The following CAP2 variants were observed in gnomAD, a reference collection of about 807,000 sequenced individuals.
CAP2 encodes the protein cyclase associated actin cytoskeleton regulatory protein 2.
In CAP2, 24 loss-of-function variants were observed where a neutral mutation model predicts 57.7. The observed-to-expected ratio is 0.42, with a 90% CI of 0.30 to 0.58. CAP2 has a LOEUF of 0.58. Ranked by LOEUF, CAP2 falls within the 20% of genes least tolerant of loss-of-function variation. The probability of loss-of-function intolerance (pLI) is 0.22; values close to 1 mark genes in which losing one functional copy is unlikely to be tolerated. For synonymous variants in CAP2, 194 were observed against 207.2 expected (o/e 0.94, Z 0.55); for missense variants, 501 against 590.3 (o/e 0.85, Z 1.57).
intron 1 of CAP2, among the ~76,000 whole-genome samples, chr6:17,415,794 C>T (rs1262628093): frequency 6.6e-6 from 1 of 152,148 alleles, no homozygotes; most frequent in Non-Finnish European, 1.5e-5. Flanking sequence ...AATCCAGGCA[C>T]ATAGGTTGTT....
chr6:17,471,949 T>C (rs1252105889), intron 4 of CAP2, among the ~76,000 whole-genome samples: 1 of 152,222 alleles, frequency 6.6e-6, no homozygotes. Context: ...AGTAGCACCT[T>C]AGAATCTAAA....
At chr6:17,439,618 A>G (rs1039007195) in intron 3 of CAP2, among the ~76,000 whole-genome samples, 2 of 151,442 alleles carry the variant, frequency 1.3e-5, no homozygotes, top group African/African-American at 2.5e-5. Flanking sequence ...AGACGGTCCC[A>G]TTTAGGGGTA....
intron 7 of CAP2, among the ~76,000 whole-genome samples, chr6:17,516,150 G>A (rs1044382832): frequency 1.3e-5 from 2 of 152,086 alleles, no homozygotes; most frequent in Admixed American, 1.3e-4. Context: ...TCCCCATCTG[G>A]GTTGACTGGC....
At position 17,457,335 on chromosome 6, in the gene CAP2, A is replaced by G. The variant is rs1416417573; in HGVS notation, c.223-5661A>G. 2.0e-5 allele frequency among the ~76,000 whole-genome samples: 3 copies of G among 152,154 alleles called. No individual in the cohort carries two copies. The East Asian group carries it at 5.8e-4, about 29-fold the overall frequency. On this transcript the variant is annotated intron_variant, in intron 3 of 12. Coordinates refer to ENST00000229922, the MANE Select transcript of CAP2 (RefSeq NM_006366.3). The stretch of plus-strand genomic sequence containing the variant: ...ACCCCTACGTTTGGCTTTTTCTTTC[A>G]CAGTGTTTTGAACTGCCTGAGTGAG...
At chr6:17,465,601 G>C (rs775478087) in intron 4 of CAP2, among the ~76,000 whole-genome samples, 1 of 152,074 alleles carries the variant, frequency 6.6e-6, no homozygotes, top group African/African-American at 2.4e-5. Context: ...TGATCACCAC[G>C]TGTTGTTCAG....
chr6:17,463,941 T>C (rs1760793487), intron 4 of CAP2, among the ~76,000 whole-genome samples: 1 of 152,196 alleles, frequency 6.6e-6, no homozygotes, highest in African/African-American at 2.4e-5. Flanking sequence ...GTAAGGCCCA[T>C]GGTAAATTTT....
intron 4 of CAP2, among the ~76,000 whole-genome samples, chr6:17,495,317 A>G (rs1481957043): frequency 6.6e-6 from 1 of 152,178 alleles, no homozygotes; most frequent in East Asian, 1.9e-4. Context: ...TAAATGAAGA[A>G]ACAAATGAAC....
intron 4 of CAP2, chr6:17,493,448 C>G: frequency 3.2e-6 from 1 of 309,072 alleles, no homozygotes; most frequent in Non-Finnish European, 6.8e-6. Flanking sequence ...CACCGCCAAC[C>G]ACAGACTGTA....
rs1268936106 is a variant in CAP2, at chr6:17,393,750, A to T, written c.-2+4A>T. ...GGACCCCAGGGCAGCGAAGCAGGTA[A>T]TCCTGCAGCGGTCGGGGCCCGGCGA... On this transcript the variant is annotated splice_donor_region_variant and intron_variant, in intron 1 of 12. Transcript: ENST00000229922. 1 of 151,644 alleles carries T rather than the reference A, an allele frequency of 6.6e-6. No individual in the cohort carries two copies. The highest frequency in any genetic ancestry group is 2.4e-5 in the African/African-American group (1 of 41,334). The allele number at this position is 151,644 out of a possible 1,614,324, so 9.4% of individuals were successfully genotyped here. A position where few individuals can be genotyped will look rare whatever the true frequency, so the allele number is the denominator to read the frequency against.
At chr6:17,430,486 A>G (rs1759698786) in intron 3 of CAP2, among the ~76,000 whole-genome samples, 1 of 151,864 alleles carries the variant, frequency 6.6e-6, no homozygotes, top group Non-Finnish European at 1.5e-5. Context: ...CCTATATAAT[A>G]CCTAGCCCTT....
intron 1 of CAP2, among the ~76,000 whole-genome samples, chr6:17,399,937 A>T (rs1758765623): frequency 1.3e-5 from 2 of 152,172 alleles, no homozygotes; most frequent in Middle Eastern, 3.4e-3. Flanking sequence ...ACAGACCTGT[A>T]GTGGCCGGGC....
intron 3 of CAP2, among the ~76,000 whole-genome samples, chr6:17,435,550 A>T: frequency 1.1e-5 from 1 of 87,432 alleles, no homozygotes; most frequent in African/African-American, 4.4e-5. Context: ...GGGAGGGGGG[A>T]GGGATAGCAT....
chr6:17,435,681 T>TAAAAAAAAAAAAAAAAAAAAA (rs71002211), intron 3 of CAP2, among the ~76,000 whole-genome samples: 1 of 67,420 alleles, frequency 1.5e-5, no homozygotes, highest in Non-Finnish European at 2.6e-5. Flanking sequence ...TAGAGTATAA[T>TAAAAAAAAAAAAAAAAAAAAA]AAAAAAAAAA....
intron 7 of CAP2, among the ~76,000 whole-genome samples, chr6:17,526,470 T>C (rs1762513904): frequency 1.3e-5 from 2 of 152,112 alleles, no homozygotes; most frequent in Admixed American, 1.3e-4. Flanking sequence ...ACAATGCATT[T>C]TATTCAGGAA....
At chr6:17,551,709 C>A in intron 12 of CAP2, 105 bp downstream of exon 12, 1 of 845,666 alleles carries the variant, frequency 1.2e-6, no homozygotes, top group Non-Finnish European at 1.8e-6. Flanking sequence ...TTATTTGTAG[C>A]ATAATTCACA....
At chr6:17,496,699 G>A (rs1051510472) in intron 4 of CAP2, among the ~76,000 whole-genome samples, 3 of 152,112 alleles carry the variant, frequency 2.0e-5, no homozygotes, top group Admixed American at 6.6e-5. Context: ...AGCAGTTTCC[G>A]ATTAAGGATC....
chr6:17,413,998 G>A (rs945637678), intron 1 of CAP2, among the ~76,000 whole-genome samples: 2 of 151,412 alleles, frequency 1.3e-5, no homozygotes, highest in African/African-American at 4.9e-5. Flanking sequence ...AGATTGCAGT[G>A]AGCCAAGATT....
chr6:17,449,917 T>C (rs1760360053), intron 3 of CAP2, among the ~76,000 whole-genome samples: 1 of 152,230 alleles, frequency 6.6e-6, no homozygotes, highest in Admixed American at 6.5e-5. Flanking sequence ...AGGGAAATGG[T>C]GCATGATTTG....
chr6:17,483,767 C>T lies in CAP2; in HGVS notation c.300+20694C>T, dbSNP rs780826611. Among the ~76,000 whole-genome samples, 106 of 152,086 alleles carry T rather than the reference C, an allele frequency of 7.0e-4. 3 individuals are homozygous for T. The highest frequency in any genetic ancestry group is 1.5e-4 in the Non-Finnish European group (10 of 68,024). On this transcript the variant is annotated intron_variant, in intron 4 of 12. Transcript: ENST00000229922. The stretch of plus-strand genomic sequence containing the variant: ...GCTGCTGAGAGATTCCTCTCCCCGG[C>T]GTGGCTGACAGGGGTGTTTTCCCCG...
Sources: gnomAD v4.1 joint callset for allele counts (sites outside exome capture counted in the v4.1 genomes callset) on GRCh38, gnomAD v4.1.1 for gene constraint, MANE v1.5 for transcripts, NCBI Gene and HGNC (gene_info 2026-07-23, HGNC 2026-07-21) for gene names.